The following PLCB1 variants were observed in gnomAD, a reference collection of about 807,000 sequenced individuals.
PLCB1 encodes the protein 1-phosphatidylinositol 4,5-bisphosphate phosphodiesterase beta-1.
PLCB1 carries 46 observed loss-of-function variants against 161.8 expected under a neutral mutation model. The observed-to-expected ratio is 0.28, with a 90% confidence interval of 0.22 to 0.36. The LOEUF (loss-of-function observed/expected upper bound fraction) is 0.36, where lower values mean the gene tolerates loss of function less well. Ranked by LOEUF, PLCB1 falls within the 10% of genes least tolerant of loss-of-function variation. The pLI, the probability that PLCB1 is intolerant of heterozygous loss-of-function variation, is 1.00. For missense variants in PLCB1, 1,016 were observed against 1,472.5 expected (o/e 0.69, Z 5.07); for synonymous variants, 517 against 503.7 (o/e 1.03, Z -0.35).
In PLCB1 at chr20:8,882,202, T is replaced by C. The variant is rs182132458; in HGVS notation, c.*353T>C. 119 of 229,992 alleles carry C rather than the reference T, an allele frequency of 5.2e-4. No homozygotes were observed. Among genetic ancestry groups the C allele is most frequent in the African/African-American group, 2.4e-3 (107 of 44,174 alleles). The allele number at this position is 229,992 out of a possible 1,614,324, so 14.2% of individuals were successfully genotyped here. On this transcript the variant is annotated 3_prime_UTR_variant, in exon 32 of 32. Coordinates refer to ENST00000338037, the MANE Select transcript of PLCB1 (RefSeq NM_015192.4). ...CTCGTGTTTTTATTCGAAGCTCTGG[T>C]GTAAAATATTTCAAAGTCATAGAAA...
chr20:8,401,685 C>T (rs1306351748), intron 3 of PLCB1, among the ~76,000 whole-genome samples: 1 of 152,208 alleles, frequency 6.6e-6, no homozygotes, highest in Non-Finnish European at 1.5e-5. Flanking sequence ...GTCTTGAGCT[C>T]AACCATCTCA....
chr20:8,574,830 G>A (rs1986625691), intron 3 of PLCB1, among the ~76,000 whole-genome samples: 1 of 146,132 alleles, frequency 6.8e-6, no homozygotes. Context: ...AGCCTGTTAG[G>A]CCTTAAGCAG....
intron 3 of PLCB1, among the ~76,000 whole-genome samples, chr20:8,508,084 G>C (rs1286417962): frequency 6.6e-6 from 1 of 152,156 alleles, no homozygotes; most frequent in African/African-American, 2.4e-5. Flanking sequence ...GAGGACATGG[G>C]GTTGGGGTAG....
chr20:8,239,142 A>G (rs1032101517), intron 2 of PLCB1, among the ~76,000 whole-genome samples: 1 of 152,014 alleles, frequency 6.6e-6, no homozygotes, highest in Non-Finnish European at 1.5e-5. Context: ...CCTGGAAAAG[A>G]GAAGGAGCAC....
chr20:8,218,116 T>C (rs990012704), intron 2 of PLCB1, among the ~76,000 whole-genome samples: 4 of 152,182 alleles, frequency 2.6e-5, no homozygotes, highest in African/African-American at 9.6e-5. Flanking sequence ...TATGCAATAA[T>C]ATTCATGCTC....
chr20:8,431,262 A>G (rs1479196146), intron 3 of PLCB1, among the ~76,000 whole-genome samples: 1 of 152,206 alleles, frequency 6.6e-6, no homozygotes, highest in Non-Finnish European at 1.5e-5. Context: ...AAAATTAACA[A>G]GAGGCTATTT....
At chr20:8,553,859 G>T (rs2123000807) in intron 3 of PLCB1, among the ~76,000 whole-genome samples, 1 of 151,810 alleles carries the variant, frequency 6.6e-6, no homozygotes, top group Non-Finnish European at 1.5e-5. Flanking sequence ...ACAATTAGCT[G>T]GGCATGGTGG....
At chr20:8,742,284 A>G (rs1049336622) in intron 23 of PLCB1, among the ~76,000 whole-genome samples, 1 of 152,148 alleles carries the variant, frequency 6.6e-6, no homozygotes, top group East Asian at 1.9e-4. Flanking sequence ...TGCTATTTTC[A>G]TATTTTATTC....
rs60833598 is a variant in PLCB1 at position 8,556,983 on chromosome 20, AAAATAAAT to A, written c.247-71287_247-71280del. Among the ~76,000 whole-genome samples, 72 of 143,308 alleles carry A rather than the reference AAAATAAAT, an allele frequency of 5.0e-4. 1 individual carries two copies. The highest frequency in any genetic ancestry group is 9.1e-4 in the Admixed American group (13 of 14,300). The allele number at this position is 143,308 out of a possible 152,430, so 94.0% of individuals were successfully genotyped here. ...TAGCTATTATTGATAATAAATAAAT[AAAATAAAT>A]AAATAAATAAATAAATAAATAAAAT... On this transcript the variant is annotated intron_variant, in intron 3 of 31. Coordinates refer to ENST00000338037, the MANE Select transcript of PLCB1 (RefSeq NM_015192.4).
At chr20:8,388,963 G>A (rs2096015589) in intron 3 of PLCB1, among the ~76,000 whole-genome samples, 1 of 152,114 alleles carries the variant, frequency 6.6e-6, no homozygotes, top group Non-Finnish European at 1.5e-5. Context: ...GGTGGTTAAG[G>A]AATGGTTCCC....
chr20:8,736,999 A>C lies in PLCB1; in HGVS notation c.2044-29A>C, dbSNP rs749732712. On this transcript the variant is annotated intron_variant, in intron 19 of 31. Coordinates refer to ENST00000338037, the MANE Select transcript of PLCB1 (RefSeq NM_015192.4). ...TGTTATTTGCATATCAAAATTCCTT[A>C]TGGATTGATTGATTTATTGATTTTC... The C allele has an allele frequency of 3.8e-6, 6 of 1,562,558 alleles. No homozygotes were observed. In the Admixed American group the frequency reaches 1.0e-4, roughly 26 times the overall value.
rs1428161799 is a variant in PLCB1, at chr20:8,757,029, G to C, written c.2524-17G>C. The C allele has an allele frequency of 1.1e-5, 18 of 1,575,520 alleles. No homozygotes were observed. The highest frequency in any genetic ancestry group is 1.5e-5 in the Non-Finnish European group (17 of 1,161,818). ...TAAAAAGAAATGTGGAAAATGAAAG[G>C]ATATTTATAATTTTAGGCTGATCCT... On this transcript the variant is annotated splice_polypyrimidine_tract_variant and intron_variant, in intron 23 of 31. Transcript: ENST00000338037.
chr20:8,858,911 G>GC (rs1491421358), intron 31 of PLCB1, among the ~76,000 whole-genome samples: 2 of 40,052 alleles, frequency 5.0e-5, no homozygotes, highest in African/African-American at 1.2e-4. Context: ...ATTTGAGTGT[G>GC]CAAAAAAAAA....
At chr20:8,822,128 G>A (rs976007299) in intron 31 of PLCB1, among the ~76,000 whole-genome samples, 23 of 151,900 alleles carry the variant, frequency 1.5e-4, no homozygotes, top group Admixed American at 2.6e-4. Context: ...CCACACAGGG[G>A]CCGCGTCTCT....
At position 8,829,418 on chromosome 20, in the gene PLCB1, G is replaced by A. The variant is rs192240817; in HGVS notation, c.3423+39157G>A. On this transcript the variant is annotated intron_variant, in intron 31 of 31. Coordinates refer to ENST00000338037, the MANE Select transcript of PLCB1 (RefSeq NM_015192.4). ...GGGGATAATTCAGATGAACACCTTC[G>A]TGCTTGGAATATGAGCACTTAGACT... 3.4e-3 allele frequency among the ~76,000 whole-genome samples: 516 copies of A among 152,278 alleles called. 22 individuals carry two copies. Among genetic ancestry groups the A allele is most frequent in the Admixed American group, 0.031 (481 of 15,294 alleles).
intron 2 of PLCB1, among the ~76,000 whole-genome samples, chr20:8,296,121 T>C (rs1411334426): frequency 6.6e-6 from 1 of 152,172 alleles, no homozygotes; most frequent in Non-Finnish European, 1.5e-5. Flanking sequence ...AGACCAGATA[T>C]CAGAACATTT....
chr20:8,644,493 T>C (rs1989084185), intron 4 of PLCB1, among the ~76,000 whole-genome samples: 1 of 149,726 alleles, frequency 6.7e-6, no homozygotes, highest in African/African-American at 2.5e-5. Flanking sequence ...CGCGACCCCG[T>C]CTGGGAGGTG....
At chr20:8,863,924 T>G (rs960420188) in intron 31 of PLCB1, among the ~76,000 whole-genome samples, 1 of 152,154 alleles carries the variant, frequency 6.6e-6, no homozygotes, top group East Asian at 1.9e-4. Context: ...AGGTAAAGAT[T>G]AAGTTGGTAG....
intron 11 of PLCB1, among the ~76,000 whole-genome samples, chr20:8,707,040 T>C (rs1417058614): frequency 3.3e-5 from 5 of 152,208 alleles, no homozygotes. Context: ...ATTTAAAATC[T>C]GGATGTTGCT....
Sources: gnomAD v4.1 joint callset for allele counts (sites outside exome capture counted in the v4.1 genomes callset) on GRCh38, gnomAD v4.1.1 for gene constraint, MANE v1.5 for transcripts, NCBI Gene and HGNC (gene_info 2026-07-23, HGNC 2026-07-21) for gene names.